VASH2: variants seen among roughly 807,000 people sequenced by gnomAD.
The protein encoded by VASH2 is vasohibin 2.
A neutral mutation model predicts 37.2 loss-of-function variants in VASH2; 28 were observed. The observed-to-expected ratio is 0.75, with a 90% CI of 0.56 to 1.03. The LOEUF (loss-of-function observed/expected upper bound fraction) is 1.03. Among genes scored for constraint, VASH2 ranks in the 50% least tolerant of loss-of-function variants. The pLI, the probability that VASH2 is intolerant of heterozygous loss-of-function variation, is 0.00. For synonymous variants in VASH2, 188 were observed against 174.7 expected (o/e 1.08, Z -0.60); for missense variants, 419 against 459.1 (o/e 0.91, Z 0.80).
chr1:212,973,739 A>G, intron 6 of VASH2: 1 of 1,344,528 alleles, frequency 7.4e-7, no homozygotes, highest in Non-Finnish European at 9.6e-7. Context: ...CCATCTGTAT[A>G]TCTGTCTTGG....
At chr1:212,975,026 T>C (rs1667127785) in intron 7 of VASH2, 2 of 152,264 alleles carry the variant, frequency 1.3e-5, no homozygotes, top group South Asian at 4.1e-4. Context: ...AAGCACATTA[T>C]CGTCATTACA....
rs1187208002 is a variant in VASH2, at chr1:212,961,149, TCTC to T, written c.277-16_277-14del. On this transcript the variant is annotated splice_polypyrimidine_tract_variant and intron_variant, in intron 2 of 7. Transcript: ENST00000517399. ...CGCCTCCTTCATAAACACCTCCTCTTCTCTATTTTTCTGCAGCCTTCAATACCC... is the reference window on the plus strand; with the variant it reads ...CGCCTCCTTCATAAACACCTCCTCTTTATTTTTCTGCAGCCTTCAATACCC... 2 of 1,613,634 alleles carry T rather than the reference TCTC, an allele frequency of 1.2e-6. No homozygotes were observed. Among genetic ancestry groups the T allele is most frequent in the Non-Finnish European group, 8.5e-7 (1 of 1,179,710 alleles).
intron 7 of VASH2, among the ~76,000 whole-genome samples, chr1:212,977,485 T>C (rs1426692687): frequency 1.3e-5 from 2 of 151,164 alleles, no homozygotes; most frequent in African/African-American, 2.4e-5. Flanking sequence ...GAGGAAGATA[T>C]ATGAGCAGCT....
intron 3 of VASH2, among the ~76,000 whole-genome samples, chr1:212,964,911 G>C (rs899412231): frequency 1.3e-5 from 2 of 149,790 alleles, no homozygotes; most frequent in Non-Finnish European, 3.0e-5. Context: ...CATATGTTGG[G>C]TTTCTGCCAG....
At chr1:212,962,033 G>A (rs1666695973) in intron 3 of VASH2, among the ~76,000 whole-genome samples, 1 of 152,330 alleles carries the variant, frequency 6.6e-6, no homozygotes, top group Non-Finnish European at 1.5e-5. Context: ...AGGTGACCCA[G>A]GCTGGTGACC....
chr1:212,981,432 C>T (rs924745732), intron 7 of VASH2, among the ~76,000 whole-genome samples: 3 of 152,194 alleles, frequency 2.0e-5, no homozygotes, highest in Admixed American at 6.5e-5. Flanking sequence ...TCTGCCTCTG[C>T]GGCCTACCCA....
At chr1:212,964,920 AGGT>A (rs1407228574) in intron 3 of VASH2, among the ~76,000 whole-genome samples, 2 of 147,458 alleles carry the variant, frequency 1.4e-5, no homozygotes, top group Non-Finnish European at 3.0e-5. Context: ...GGTTTCTGCC[AGGT>A]TTTTTTTTTT....
chr1:212,966,675 T>C (rs1308317357), intron 5 of VASH2, among the ~76,000 whole-genome samples: 2 of 152,220 alleles, frequency 1.3e-5, no homozygotes, highest in Non-Finnish European at 2.9e-5. Context: ...TGGCTGTTCT[T>C]TGCATTAATA....
rs1207193213 is a variant in VASH2 at position 212,972,608 on chromosome 1, G to A, written c.526G>A (p.Glu176Lys). 6.2e-7 allele frequency: 1 copy of A among 1,613,920 alleles called. No homozygotes were observed. The highest frequency in any genetic ancestry group is 8.5e-7 in the Non-Finnish European group (1 of 1,180,028). ...CTTAACCAATGGGCAGCCTTCCATT[G>A]AGCGGTTCCCCATCAGCTTTAAAAC... ...IYLTNGQPSI[E>K]RFPISFKTYF... Residue 176 changes from glutamate (E) to lysine (K), a missense_variant, in exon 6 of 8, where the codon GAG (glutamate) becomes AAG (lysine). By Grantham distance (56) the Glu-to-Lys change is moderately conservative (BLOSUM62 1). Around this residue, in one of 3 missense-constraint regions of VASH2, gnomAD observed 84 missense variants for 129.9 expected, o/e 0.65. Coordinates refer to ENST00000517399, the MANE Select transcript of VASH2 (RefSeq NM_001301056.2).
chr1:212,953,201 T>A (rs1666375403), intron 2 of VASH2, among the ~76,000 whole-genome samples: 1 of 150,776 alleles, frequency 6.6e-6, no homozygotes, highest in African/African-American at 2.4e-5. Context: ...TGTGCTTTTA[T>A]CCTTCCTCCA....
chr1:212,965,173 A>G (rs1270778122), intron 3 of VASH2, among the ~76,000 whole-genome samples: 1 of 152,200 alleles, frequency 6.6e-6, no homozygotes, highest in Non-Finnish European at 1.5e-5. Context: ...CACCCACCTC[A>G]GCCTCCCAAT....
Position 212,951,266 on chromosome 1 carries a change from T to C in VASH2, c.-204-73T>C, listed in dbSNP as rs1377042000. 6.5e-6 allele frequency: 1 copy of C among 152,952 alleles called. No individual in the cohort carries two copies. Among genetic ancestry groups the C allele is most frequent in the Non-Finnish European group, 1.5e-5 (1 of 68,654 alleles). 9.5% of individuals were successfully genotyped at this position (152,952 alleles called of 1,614,324 possible). ...GGAGCGGGGAGTGTCGTGGAGACAC[T>C]CCGGGACCCCTCACTCGGTTCCGCT... On this transcript the variant is annotated intron_variant, in intron 1 of 7. Coordinates refer to ENST00000517399, the MANE Select transcript of VASH2 (RefSeq NM_001301056.2). The surrounding 1 kb of genome is among the most constrained non-coding windows in gnomAD (Gnocchi z 4.4).
intron 7 of VASH2, among the ~76,000 whole-genome samples, chr1:212,975,397 G>C (rs1667142162): frequency 1.3e-5 from 2 of 152,350 alleles, no homozygotes; most frequent in African/African-American, 4.8e-5. Context: ...TGAGAGGTCA[G>C]GTGTTCCTGG....
At chr1:212,973,709 G>A (rs1667080942) in intron 6 of VASH2, 9 of 1,294,122 alleles carry the variant, frequency 7.0e-6, no homozygotes, top group Non-Finnish European at 6.9e-6. Context: ...TCTCTACACG[G>A]CACAGGGAGC....
intron 2 of VASH2, among the ~76,000 whole-genome samples, chr1:212,955,935 G>A (rs1558140673): frequency 6.6e-6 from 1 of 152,240 alleles, no homozygotes; most frequent in East Asian, 1.9e-4. Flanking sequence ...TGTTGCAGGA[G>A]CCTGGGGCTC....
chr1:212,980,147 A>T (rs573666768), intron 7 of VASH2, among the ~76,000 whole-genome samples: 9 of 152,222 alleles, frequency 5.9e-5, no homozygotes, highest in Non-Finnish European at 1.3e-4. Flanking sequence ...CTCAAATGCC[A>T]ACAGCGCCCT....
At chr1:212,970,366 C>G (rs1245803196) in intron 5 of VASH2, among the ~76,000 whole-genome samples, 1 of 152,166 alleles carries the variant, frequency 6.6e-6, no homozygotes, top group Non-Finnish European at 1.5e-5. Context: ...TTGTCTCCTC[C>G]CCACTTCTCC....
At chr1:212,964,513 G>A (rs1383747537) in intron 3 of VASH2, among the ~76,000 whole-genome samples, 1 of 152,198 alleles carries the variant, frequency 6.6e-6, no homozygotes, top group Non-Finnish European at 1.5e-5. Flanking sequence ...TCAAAACCCA[G>A]TCCTCAGAGA....
intron 7 of VASH2, among the ~76,000 whole-genome samples, chr1:212,980,174 C>T (rs1188601830): frequency 1.3e-5 from 2 of 152,248 alleles, no homozygotes; most frequent in Non-Finnish European, 2.9e-5. Context: ...GAAGCTTCAG[C>T]GCTCTCCGAG....
Sources: gnomAD v4.1 joint callset for allele counts (sites outside exome capture counted in the v4.1 genomes callset) on GRCh38, gnomAD v4.1.1 for gene constraint, gnomAD v4.1.1 regional missense constraint, Gnocchi (gnomAD v3.1) non-coding constraint, MANE v1.5 for transcripts, NCBI Gene and HGNC (gene_info 2026-07-23, HGNC 2026-07-21) for gene names.